PCDH10: variants seen among roughly 807,000 people sequenced by gnomAD.
PCDH10 encodes the protein protocadherin-10.
A neutral mutation model predicts 74.4 loss-of-function variants in PCDH10; 15 were observed. The observed-to-expected ratio is 0.20, with a 90% CI of 0.13 to 0.31. PCDH10 has a LOEUF of 0.31. PCDH10 is among the 10% of genes least tolerant of loss of function. The pLI is 1.00. For synonymous variants in PCDH10, 619 were observed against 589.8 expected (o/e 1.05, Z -0.72); for missense variants, 1,260 against 1,390.2 (o/e 0.91, Z 1.49).
Position 133,151,789 on chromosome 4 carries a change from G to A in PCDH10, c.1649G>A (p.Ser550Asn). ...SFQVEARDAGSPQALAGNATV... is the reference protein window; with the variant it reads ...SFQVEARDAGNPQALAGNATV... The stretch of plus-strand genomic sequence containing the variant: ...CAGGTGGAAGCCCGGGACGCTGGCA[G>A]CCCCCAGGCGCTGGCTGGTAACGCC... The change falls in exon 1 of 5, where the codon AGC (serine) becomes AAC (asparagine). Residue 550 changes from serine to asparagine, a missense_variant. Ser to Asn is a conservative substitution (Grantham distance 46, BLOSUM62 1). Coordinates refer to ENST00000264360, the MANE Select transcript of PCDH10 (RefSeq NM_032961.3). 1 of 1,613,082 alleles carries A rather than the reference G, an allele frequency of 6.2e-7. No individual in the cohort carries two copies. Among genetic ancestry groups the A allele is most frequent in the Non-Finnish European group, 8.5e-7 (1 of 1,180,040 alleles).
At chr4:133,200,497 CTAA>C (rs1182163453) in intron 2 of PCDH10, among the ~76,000 whole-genome samples, 3 of 152,068 alleles carry the variant, frequency 2.0e-5, no homozygotes, top group Non-Finnish European at 4.4e-5. Context: ...CTGAGTTCAA[CTAA>C]TGTTTTCAAC....
chr4:133,181,411 G>T (rs1210348912), intron 4 of PCDH10, among the ~76,000 whole-genome samples: 1 of 151,638 alleles, frequency 6.6e-6, no homozygotes, highest in Non-Finnish European at 1.5e-5. Flanking sequence ...ACATTTTTTT[G>T]ACTTTAGTGG....
At chr4:133,162,871 A>G in intron 3 of PCDH10, 106 bp from the exon 4 acceptor site, 1 of 926,598 alleles carries the variant, frequency 1.1e-6, no homozygotes. Flanking sequence ...AAATTTGTTA[A>G]GACAACTTCA....
intron 4 of PCDH10, among the ~76,000 whole-genome samples, chr4:133,167,146 A>G (rs1293603908): frequency 6.6e-6 from 1 of 151,542 alleles, no homozygotes; most frequent in Admixed American, 6.6e-5. Context: ...AAAAAAATAA[A>G]TTTCTAAAAC....
chr4:133,176,364 C>A (rs985863444), intron 4 of PCDH10, among the ~76,000 whole-genome samples: 2 of 152,082 alleles, frequency 1.3e-5, no homozygotes, highest in Non-Finnish European at 2.9e-5. Context: ...CATGCATCCT[C>A]CAAAGCTCAT....
At chr4:133,195,717 C>T (rs1043925081), downstream of PCDH10, among the ~76,000 whole-genome samples, 3 of 151,684 alleles carry the variant, frequency 2.0e-5, no homozygotes, top group South Asian at 6.3e-4. Flanking sequence ...ATCAGTGGCC[C>T]TAGATTATAA....
chr4:133,203,124 C>T (rs551254108), intron 2 of PCDH10, among the ~76,000 whole-genome samples: 1 of 151,866 alleles, frequency 6.6e-6, no homozygotes, highest in African/African-American at 2.4e-5. Flanking sequence ...CCAGAAAAGC[C>T]CAGTATGTGG....
chr4:133,205,647 G>C (rs1262657086), intron 2 of PCDH10, among the ~76,000 whole-genome samples: 1 of 151,846 alleles, frequency 6.6e-6, no homozygotes, highest in Admixed American at 6.6e-5. Context: ...TTATTTGGAT[G>C]CTGAACCTCC....
At chr4:133,165,844 C>T (rs974784985) in intron 4 of PCDH10, among the ~76,000 whole-genome samples, 4 of 151,548 alleles carry the variant, frequency 2.6e-5, no homozygotes, top group Non-Finnish European at 5.9e-5. Context: ...TCTATACCTC[C>T]GATTGCTAAA....
intron 4 of PCDH10, among the ~76,000 whole-genome samples, chr4:133,170,552 G>A (rs10013885): frequency 1.1e-4 from 16 of 151,948 alleles, no homozygotes; most frequent in African/African-American, 2.2e-4. Flanking sequence ...TATATCTATC[G>A]AACAGACTTT....
intron 2 of PCDH10, among the ~76,000 whole-genome samples, chr4:133,154,690 A>T (rs1303662576): frequency 6.6e-6 from 1 of 152,154 alleles, no homozygotes; most frequent in African/African-American, 2.4e-5. Flanking sequence ...AGCTCCAATT[A>T]TAGAGTAATG....
chr4:133,187,117 T>C (rs1224833828), intron 4 of PCDH10, among the ~76,000 whole-genome samples: 1 of 152,126 alleles, frequency 6.6e-6, no homozygotes, highest in Non-Finnish European at 1.5e-5. Context: ...TATTTCTAGG[T>C]TGGCAGGATT....
chr4:133,203,044 TG>T, intron 2 of PCDH10, among the ~76,000 whole-genome samples: 1 of 152,150 alleles, frequency 6.6e-6, no homozygotes, highest in Non-Finnish European at 1.5e-5. Flanking sequence ...GCTGATTTCA[TG>T]ACCCAAGACA....
intron 4 of PCDH10, among the ~76,000 whole-genome samples, chr4:133,181,295 T>A (rs1467415715): frequency 6.6e-6 from 1 of 152,078 alleles, no homozygotes; most frequent in Non-Finnish European, 1.5e-5. Flanking sequence ...TAGTTTTTTT[T>A]ATCTTTCTGA....
chr4:133,149,853 A>C lies in PCDH10; in HGVS notation c.-288A>C. 2 of 267,770 alleles carry C rather than the reference A, an allele frequency of 7.5e-6. No individual in the cohort carries two copies. The highest frequency in any genetic ancestry group is 7.0e-6 in the Non-Finnish European group (1 of 142,988). 16.6% of individuals were successfully genotyped at this position (267,770 alleles called of 1,614,324 possible). ...ACTGTCGGAATAAAGGACGCTGACTATTGTATTATTGTTATTTTATTAATT... is the reference window on the plus strand; with the variant it reads ...ACTGTCGGAATAAAGGACGCTGACTCTTGTATTATTGTTATTTTATTAATT... On this transcript the variant is annotated 5_prime_UTR_variant, in exon 1 of 5. Transcript: ENST00000264360.
chr4:133,171,144 G>A (rs185663054), intron 4 of PCDH10, among the ~76,000 whole-genome samples: 48 of 152,084 alleles, frequency 3.2e-4, no homozygotes, highest in Admixed American at 2.7e-3. Context: ...TCAGTAGGAC[G>A]TTTTCCCCAC....
Position 133,152,252 on chromosome 4 carries a change from C to T in PCDH10, c.2112C>T (p.Arg704=), listed in dbSNP as rs1194783261. The T allele has an allele frequency of 3.1e-6, 5 of 1,612,226 alleles. No individual in the cohort carries two copies. The highest frequency in any genetic ancestry group is 4.2e-6 in the Non-Finnish European group (5 of 1,179,034). The change falls in exon 1 of 5, where the codon CGC becomes CGT. Residue 704 remains arginine (R), a synonymous_variant. Coordinates refer to ENST00000264360, the MANE Select transcript of PCDH10 (RefSeq NM_032961.3). ...CAGGAGAGCACCAGCGCCCCAGTCG[C>T]TCTGGCGGCGGGGAAACCTCGCTAG... ...GGSGEHQRPS[R]SGGGETSLDL... is the part of the protein sequence containing the mutation.
At chr4:133,202,090 A>G (rs536704619) in intron 2 of PCDH10, among the ~76,000 whole-genome samples, 3 of 152,210 alleles carry the variant, frequency 2.0e-5, no homozygotes, top group South Asian at 4.1e-4. Context: ...GTAGATTGCT[A>G]TGCAGTGGAA....
intron 2 of PCDH10, among the ~76,000 whole-genome samples, chr4:133,200,559 T>G (rs956371118): frequency 6.6e-6 from 1 of 152,214 alleles, no homozygotes; most frequent in Non-Finnish European, 1.5e-5. Flanking sequence ...AAGTCTATAT[T>G]CATCAACTAT....
Sources: gnomAD v4.1 joint callset for allele counts (sites outside exome capture counted in the v4.1 genomes callset) on GRCh38, gnomAD v4.1.1 for gene constraint, MANE v1.5 for transcripts, NCBI Gene and HGNC (gene_info 2026-07-23, HGNC 2026-07-21) for gene names.